OPRM1: variants seen among roughly 807,000 people sequenced by gnomAD.
The protein encoded by OPRM1 is opioid receptor mu 1, also known as mu-type opioid receptor.
In OPRM1, 27 loss-of-function variants were observed where a neutral mutation model predicts 31.8. The ratio of observed to expected loss-of-function variants is 0.85; its 90% CI spans 0.63 to 1.17. The LOEUF (loss-of-function observed/expected upper bound fraction) is 1.17. OPRM1 is among the 50% of genes most tolerant of loss of function. The probability of loss-of-function intolerance (pLI) is 0.00; values close to 1 mark genes in which losing one functional copy is unlikely to be tolerated. For synonymous variants in OPRM1, 196 were observed against 189.9 expected, an observed-to-expected ratio of 1.03 and a Z score of -0.26; for missense variants, 536 against 511.1, an observed-to-expected ratio of 1.05 and a Z score of -0.47.
At chr6:154,100,158 C>CATATAATATTTATTATATTAT (rs753395267) in intron 3 of OPRM1, among the ~76,000 whole-genome samples, 2 of 19,186 alleles carry the variant, frequency 1.0e-4, no homozygotes, top group African/African-American at 3.3e-4. Flanking sequence ...CATATTATGA[C>CATATAATATTTATTATATTAT]GTATCATAAT....
intron 3 of OPRM1, among the ~76,000 whole-genome samples, chr6:154,165,266 CA>C (rs1799335714): frequency 6.6e-6 from 1 of 152,178 alleles, no homozygotes; most frequent in East Asian, 1.9e-4. Context: ...ACCCAGCACT[CA>C]GAAGCTCCAT....
intron 3 of OPRM1, among the ~76,000 whole-genome samples, chr6:154,138,534 T>C (rs1798119245): frequency 6.6e-6 from 1 of 152,172 alleles, no homozygotes; most frequent in African/African-American, 2.4e-5. Flanking sequence ...TGCCCATGTG[T>C]TTGCCGGGAA....
chr6:154,198,506 G>GAGGCC (rs1341334336), intron 3 of OPRM1, among the ~76,000 whole-genome samples: 6 of 152,174 alleles, frequency 3.9e-5, no homozygotes, highest in African/African-American at 1.2e-4. Flanking sequence ...AATGCCATCA[G>GAGGCC]AGGCCAGGCA....
At chr6:154,225,868 A>G (rs1172760653) in intron 3 of OPRM1, among the ~76,000 whole-genome samples, 1 of 152,170 alleles carries the variant, frequency 6.6e-6, no homozygotes, top group Non-Finnish European at 1.5e-5. Flanking sequence ...ATTCATTTCT[A>G]TATGTTCCAG....
chr6:154,174,354 C>A (rs1190562215), intron 3 of OPRM1, among the ~76,000 whole-genome samples: 1 of 152,056 alleles, frequency 6.6e-6, no homozygotes, highest in Non-Finnish European at 1.5e-5. Flanking sequence ...GGCTAAATGT[C>A]CCAATTAAAA....
At chr6:154,156,783 G>A (rs908844942) in intron 3 of OPRM1, 9 of 152,186 alleles carry the variant, frequency 5.9e-5, no homozygotes, top group African/African-American at 2.2e-4. Flanking sequence ...AGGGCTCAGA[G>A]TGTCTATTTG....
intron 3 of OPRM1, among the ~76,000 whole-genome samples, chr6:154,238,923 T>G (rs1250326941): frequency 1.3e-5 from 2 of 149,826 alleles, no homozygotes; most frequent in African/African-American, 2.5e-5. Flanking sequence ...TATATTGTTG[T>G]TTTTTTTAAA....
intron 1 of OPRM1, among the ~76,000 whole-genome samples, chr6:154,032,044 G>T (rs1284293852): frequency 1.3e-5 from 2 of 152,156 alleles, no homozygotes; most frequent in Non-Finnish European, 2.9e-5. Flanking sequence ...TGGCTACAGT[G>T]TATAGGATGA....
chr6:154,200,667 G>T (rs1776994649), intron 3 of OPRM1, among the ~76,000 whole-genome samples: 1 of 152,184 alleles, frequency 6.6e-6, no homozygotes, highest in Admixed American at 6.5e-5. Flanking sequence ...ATTGCAGCGA[G>T]CTAAGATCAT....
rs1583619216 is a variant in OPRM1, at chr6:154,118,847, A to G, written c.*126A>G. 2.0e-6 allele frequency: 3 copies of G among 1,514,048 alleles called. No individual in the cohort carries two copies. Among genetic ancestry groups the G allele is most frequent in the Non-Finnish European group, 2.6e-6 (3 of 1,139,962 alleles). The allele number at this position is 1,514,048 out of a possible 1,614,324, so 93.8% of individuals were successfully genotyped here. On this transcript the variant is annotated 3_prime_UTR_variant, in exon 4 of 4. Transcript: ENST00000330432. ...AAAGTGCCTGCTTTTAGGTCATCCA[A>G]CCTCTTTCCTCTCTGGCCACTCTGC...
At chr6:154,037,077 T>C (rs1308168496), upstream of OPRM1, among the ~76,000 whole-genome samples, 1 of 152,004 alleles carries the variant, frequency 6.6e-6, no homozygotes, top group East Asian at 1.9e-4. Flanking sequence ...TCTAACAAGA[T>C]GTAACTTAAA....
chr6:154,159,504 A>G (rs1798846533), intron 3 of OPRM1: 3 of 300,100 alleles, frequency 1.0e-5, no homozygotes, highest in Non-Finnish European at 1.8e-5. Context: ...TCTTGTCCAT[A>G]GCATTCTCTG....
intron 3 of OPRM1, chr6:154,199,997 G>A (rs145583696): frequency 9.2e-5 from 148 of 1,613,936 alleles, no homozygotes; most frequent in Non-Finnish European, 1.2e-4. Flanking sequence ...AGAATACGAC[G>A]TTCCACTCAG....
intron 1 of OPRM1, among the ~76,000 whole-genome samples, chr6:154,043,087 T>C (rs1780404172): frequency 6.6e-6 from 1 of 152,172 alleles, no homozygotes. Context: ...CCAAGGTTTG[T>C]TCATGTAGCT....
At chr6:154,200,592 G>A (rs183901728) in intron 3 of OPRM1, among the ~76,000 whole-genome samples, 19 of 152,100 alleles carry the variant, frequency 1.2e-4, no homozygotes, top group South Asian at 6.3e-4. Context: ...TTGGTGGCGC[G>A]CACCTGTAGT....
At chr6:154,204,486 C>A (rs1478699421) in intron 3 of OPRM1, among the ~76,000 whole-genome samples, 1 of 152,154 alleles carries the variant, frequency 6.6e-6, no homozygotes, top group Admixed American at 6.5e-5. Context: ...TGTTGTTAAG[C>A]CCCAGGAAGT....
chr6:154,020,578 A>G (rs555787310), intron 1 of OPRM1, among the ~76,000 whole-genome samples: 156 of 152,358 alleles, frequency 1.0e-3, no homozygotes, highest in Non-Finnish European at 1.9e-3. Flanking sequence ...CGAACACTTT[A>G]TAGGCATTTG....
chr6:154,221,297 T>C, intron 3 of OPRM1: 2 of 1,613,950 alleles, frequency 1.2e-6, no homozygotes, highest in Non-Finnish European at 1.7e-6. Context: ...AAATAAAAGG[T>C]CTTGATCTGT....
At chr6:154,091,905 G>A (rs1583492154) in intron 3 of OPRM1, 1 of 989,222 alleles carries the variant, frequency 1.0e-6, no homozygotes, top group Non-Finnish European at 1.2e-6. Context: ...GAGGGTGAGT[G>A]CCTTGCCCAC....
Sources: gnomAD v4.1 joint callset for allele counts (sites outside exome capture counted in the v4.1 genomes callset) on GRCh38, gnomAD v4.1.1 for gene constraint, MANE v1.5 for transcripts, NCBI Gene and HGNC (gene_info 2026-07-23, HGNC 2026-07-21) for gene names.